Variants in CA5A observed in about 807,000 individuals in gnomAD.
CA5A encodes carbonic anhydrase 5A, mitochondrial.
CA5A carries 28 observed loss-of-function variants against 37.1 expected under a neutral mutation model. That is an observed-to-expected ratio of 0.75 (90% CI 0.56 to 1.03). The LOEUF is 1.03. Ranked by LOEUF, CA5A falls within the 50% of genes least tolerant of loss-of-function variation. CA5A has a pLI of 0.00. For missense variants in CA5A, 444 were observed against 399.9 expected, an observed-to-expected ratio of 1.11 and a Z score of -0.94; for synonymous variants, 171 against 158.4, an observed-to-expected ratio of 1.08 and a Z score of -0.60.
chr16:87,893,012 G>A (rs1314612956), intron 5 of CA5A: 25 of 1,234,798 alleles, frequency 2.0e-5, no homozygotes, highest in South Asian at 9.4e-5. Flanking sequence ...CTAAGCACCC[G>A]GAGATGGCAG....
chr16:87,917,706 C>T (rs1369648708), intron 2 of CA5A, among the ~76,000 whole-genome samples: 1 of 62,542 alleles, frequency 1.6e-5, no homozygotes, highest in Non-Finnish European at 5.1e-5. Flanking sequence ...CGCACACGAA[C>T]ACACACATGA....
At chr16:87,917,788 GT>G in intron 2 of CA5A, among the ~76,000 whole-genome samples, 1 of 91,324 alleles carries the variant, frequency 1.1e-5, no homozygotes, top group Non-Finnish European at 1.9e-5. Context: ...ATGCACACAT[GT>G]ATACACAGTG....
intron 5 of CA5A, among the ~76,000 whole-genome samples, chr16:87,897,273 A>G (rs60635100): frequency 0.11 from 16,529 of 152,084 alleles, 1,321 homozygotes; most frequent in African/African-American, 0.22. Context: ...AGGAGGGGGG[A>G]CCCCAGCAGC....
chr16:87,930,902 G>GGTTCTTTTT (rs2056393664), intron 1 of CA5A, among the ~76,000 whole-genome samples: 1 of 151,908 alleles, frequency 6.6e-6, no homozygotes, highest in African/African-American at 2.4e-5. Context: ...CACCACGCCT[G>GGTTCTTTTT]GGGAATTTTT....
At chr16:87,899,134 C>A (rs1311166350) in intron 5 of CA5A, among the ~76,000 whole-genome samples, 5 of 151,980 alleles carry the variant, frequency 3.3e-5, no homozygotes, top group African/African-American at 1.2e-4. Flanking sequence ...ACCCAGGAGT[C>A]CAACTGTGGG....
intron 2 of CA5A, chr16:87,923,551 T>G (rs2056259535): frequency 1.0e-6 from 1 of 985,266 alleles, no homozygotes; most frequent in Non-Finnish European, 1.2e-6. Context: ...GTATCAGGAT[T>G]CCCCTGGGGC....
At chr16:87,909,352 C>G (rs1462292743) in intron 2 of CA5A, among the ~76,000 whole-genome samples, 14 of 152,184 alleles carry the variant, frequency 9.2e-5, no homozygotes, top group Admixed American at 7.9e-4. Context: ...GGCTGGGGAC[C>G]AAGCACGCTC....
chr16:87,911,117 A>T lies in CA5A; in HGVS notation c.341-6213T>A, dbSNP rs898694519. Among the ~76,000 whole-genome samples, 122 of 151,016 alleles carry T rather than the reference A, an allele frequency of 8.1e-4. 1 individual carries two copies. Among genetic ancestry groups the T allele is most frequent in the African/African-American group, 2.9e-3 (119 of 41,060 alleles). On this transcript the variant is annotated intron_variant, in intron 2 of 6. Transcript: ENST00000649794. This position sits in a 1 kb window ranked among gnomAD's most constrained non-coding sequence, Gnocchi z 4.6. ...CCTTAATCAAAAAAAAAAAAAAAAA[A>T]AAAGGCAAGCCCAATTCACGAAAAG...
chr16:87,892,609 G>C lies in CA5A; in HGVS notation c.619-655C>G, dbSNP rs563027507. Among the ~76,000 whole-genome samples, 292 of 148,198 alleles carry C rather than the reference G, an allele frequency of 2.0e-3. 2 individuals are homozygous for C. Among genetic ancestry groups the C allele is most frequent in the Non-Finnish European group, 3.4e-3 (229 of 67,258 alleles). On this transcript the variant is annotated intron_variant, in intron 5 of 6. Transcript: ENST00000649794. ...AAGCCATTTCTTTTAGCATACCTTG[G>C]CTGCAAAAAATATTACTTTTTATTG...
chr16:87,886,889 T>C (rs2055652829), downstream of CA5A: 6 of 152,286 alleles, frequency 3.9e-5, no homozygotes, highest in South Asian at 1.0e-3. Flanking sequence ...TTAATTAATA[T>C]AGCTTTTTAT....
intron 2 of CA5A, among the ~76,000 whole-genome samples, chr16:87,908,283 C>T (rs1285714256): frequency 1.3e-5 from 2 of 152,204 alleles, no homozygotes; most frequent in Admixed American, 6.5e-5. Flanking sequence ...CTCTCTGAGC[C>T]TAAGCCTCTC....
intron 5 of CA5A, among the ~76,000 whole-genome samples, chr16:87,899,919 C>CA (rs565557401): frequency 0.036 from 1,666 of 46,468 alleles, 170 homozygotes; most frequent in Non-Finnish European, 0.046. Context: ...GATTTTATCT[C>CA]AAAAAAAAAA....
intron 2 of CA5A, among the ~76,000 whole-genome samples, chr16:87,905,739 C>T (rs1650917632): frequency 6.6e-6 from 1 of 152,360 alleles, no homozygotes; most frequent in African/African-American, 2.4e-5. Flanking sequence ...TCTAGGCCCA[C>T]CACAGGGCCA....
chr16:87,899,049 A>G (rs1186098913), intron 5 of CA5A, among the ~76,000 whole-genome samples: 2 of 152,006 alleles, frequency 1.3e-5, no homozygotes, highest in East Asian at 3.9e-4. Context: ...GTGGATGTTT[A>G]ATATCTCCAT....
chr16:87,927,531 TTTGA>T (rs1270505537), intron 1 of CA5A, among the ~76,000 whole-genome samples: 1 of 152,164 alleles, frequency 6.6e-6, no homozygotes, highest in African/African-American at 2.4e-5. Context: ...TTCAAACTGC[TTTGA>T]TTGTCATTTT....
chr16:87,929,663 G>C (rs1001506681), intron 1 of CA5A, among the ~76,000 whole-genome samples: 18 of 151,572 alleles, frequency 1.2e-4, no homozygotes, highest in Admixed American at 2.0e-4. Context: ...ACGAGGTCAG[G>C]AGATCGAGAC....
intron 2 of CA5A, among the ~76,000 whole-genome samples, chr16:87,916,966 G>A (rs4289005): frequency 0.68 from 103,735 of 151,822 alleles, 36,791 homozygotes; most frequent in African/African-American, 0.86. Flanking sequence ...TTAGCCAGGC[G>A]TGGTGGTAGG....
chr16:87,926,836 C>A lies in CA5A; in HGVS notation c.252G>T (p.Arg84Ser), dbSNP rs774772245. The stretch of plus-strand genomic sequence containing the variant: ...GGCAGGATGCCGCTTCATAGGAGAC[C>A]CTGAGTGGCTTCAGCTGGGGGTCAT... ...SVYDPQLKPL[R>S]VSYEAASCLY... The change falls in exon 2 of 7, where the codon AGG becomes AGT. Residue 84 changes from arginine (R) to serine (S), a missense_variant. Physicochemically the swap from Arg to Ser is moderately radical, Grantham distance 110 (BLOSUM62 -1). Transcript: ENST00000649794. The A allele has an allele frequency of 3.7e-6, 6 of 1,613,930 alleles. No individual in the cohort carries two copies. Among genetic ancestry groups the A allele is most frequent in the Non-Finnish European group, 5.1e-6 (6 of 1,179,926 alleles).
chr16:87,893,087 G>A, intron 5 of CA5A: 1 of 796,890 alleles, frequency 1.3e-6, no homozygotes, highest in South Asian at 1.9e-5. Flanking sequence ...GAGGCTGCCT[G>A]AAGGAACAGT....
Sources: gnomAD v4.1 joint callset for allele counts (sites outside exome capture counted in the v4.1 genomes callset) on GRCh38, gnomAD v4.1.1 for gene constraint, Gnocchi (gnomAD v3.1) non-coding constraint, MANE v1.5 for transcripts, NCBI Gene and HGNC (gene_info 2026-07-23, HGNC 2026-07-21) for gene names.